The following ADGRB1 variants were observed in gnomAD, a reference collection of about 807,000 sequenced individuals.
The protein encoded by ADGRB1 is brain-specific angiogenesis inhibitor 1.
ADGRB1 carries 36 observed loss-of-function variants against 175.7 expected under a neutral mutation model. That is an observed-to-expected ratio of 0.20 (90% CI 0.16 to 0.27). ADGRB1 has a LOEUF of 0.27. ADGRB1 is among the 10% of genes least tolerant of loss of function. ADGRB1 has a pLI of 1.00. For missense variants in ADGRB1, 1,731 were observed against 2,255.3 expected, an observed-to-expected ratio of 0.77 and a Z score of 4.71; for synonymous variants, 1,054 against 979.4, an observed-to-expected ratio of 1.08 and a Z score of -1.42.
At chr8:142,534,236 G>A (rs1198701312) in intron 25 of ADGRB1, among the ~76,000 whole-genome samples, 5 of 152,188 alleles carry the variant, frequency 3.3e-5, no homozygotes, top group Non-Finnish European at 7.4e-5. Flanking sequence ...AGTGGGGCCC[G>A]CCCCCTCCCC....
chr8:142,522,690 A>G lies in ADGRB1; in HGVS notation c.3225A>G (p.Lys1075=). The G allele has an allele frequency of 2.6e-6, 4 of 1,559,058 alleles. No individual in the cohort carries two copies. The highest frequency in any genetic ancestry group is 3.5e-6 in the Non-Finnish European group (4 of 1,153,952). ...VAISVGFTKA[K]GYSTMNYCWL... is the part of the protein sequence containing the mutation. ...TTTCTGTGGGATTCACCAAGGCCAA[A>G]GGGTACAGCACCATGAACTAGTGAG... The change falls in exon 22 of 31, where the codon AAA becomes AAG. Residue 1075 remains lysine (K), a synonymous_variant. Transcript: ENST00000517894.
At chr8:142,526,955 G>A (rs1844241735) in intron 24 of ADGRB1, among the ~76,000 whole-genome samples, 1 of 152,158 alleles carries the variant, frequency 6.6e-6, no homozygotes, top group African/African-American at 2.4e-5. Context: ...TGGGTGCTGG[G>A]GGTCCCTGGC....
chr8:142,504,782 A>G lies in ADGRB1; in HGVS notation c.2676-6150A>G, dbSNP rs1276870812. The stretch of plus-strand genomic sequence containing the variant: ...TAAGGGGCACTGGGGAGGCCAGCCC[A>G]TTAAGGCTCCTGAGGCCAGGCCTAG... On this transcript the variant is annotated intron_variant, in intron 17 of 30. Coordinates refer to ENST00000517894, the MANE Select transcript of ADGRB1 (RefSeq NM_001702.3). The surrounding 1 kb of genome is among the most constrained non-coding windows in gnomAD (Gnocchi z 5.6). 6.6e-6 allele frequency among the ~76,000 whole-genome samples: 1 copy of G among 152,044 alleles called. No individual in the cohort carries two copies. Among genetic ancestry groups the G allele is most frequent in the Middle Eastern group, 3.4e-3 (1 of 294 alleles).
At chr8:142,469,861 G>C (rs1414520207) in intron 2 of ADGRB1, among the ~76,000 whole-genome samples, 2 of 152,226 alleles carry the variant, frequency 1.3e-5, no homozygotes, top group Non-Finnish European at 2.9e-5. Flanking sequence ...AAGACACACA[G>C]CTGAGCAGAG....
At chr8:142,479,900 C>G in intron 9 of ADGRB1, 106 bp downstream of exon 9, 1 of 1,265,672 alleles carries the variant, frequency 7.9e-7, no homozygotes. Flanking sequence ...GACACGGAGC[C>G]CAGACAGCCT....
Position 142,483,344 on chromosome 8 carries a change from ACTGAGCCCTGACCCTGGTCACACG to A in ADGRB1, c.2131-609_2131-586del, listed in dbSNP as rs1323870443. ...CATGCTGAACCCTGACCCTGGTCAC[ACTGAGCCCTGACCCTGGTCACACG>A]CTGAGCCCTGACCCTGGTCACACCC... On this transcript the variant is annotated intron_variant, in intron 11 of 30. Transcript: ENST00000517894. Among the ~76,000 whole-genome samples the A allele has an allele frequency of 2.7e-4, 23 of 86,110 alleles. No homozygotes were observed. The East Asian group carries it at 6.5e-3, about 24-fold the overall frequency. 56.5% of individuals were successfully genotyped at this position (86,110 alleles called of 152,430 possible). A position where few individuals can be genotyped will look rare whatever the true frequency, so the allele number is the denominator to read the frequency against.
rs189462522 is a variant in ADGRB1, at chr8:142,500,251, C to G, written c.2675+9436C>G. 5.9e-3 allele frequency among the ~76,000 whole-genome samples: 678 copies of G among 114,492 alleles called. 3 individuals carry two copies. Among genetic ancestry groups the G allele is most frequent in the East Asian group, 0.025 (76 of 2,984 alleles). The allele number at this position is 114,492 out of a possible 152,430, so 75.1% of individuals were successfully genotyped here. A position where few individuals can be genotyped will look rare whatever the true frequency, so the allele number is the denominator to read the frequency against. ...CGCTCCTCCACCTCCCCACGCGCCG[C>G]TCCTCCACCTCCCCACGCGCCGCTC... On this transcript the variant is annotated intron_variant, in intron 17 of 30. Coordinates refer to ENST00000517894, the MANE Select transcript of ADGRB1 (RefSeq NM_001702.3).
At chr8:142,497,523 C>T (rs1842280009) in intron 17 of ADGRB1, among the ~76,000 whole-genome samples, 1 of 152,132 alleles carries the variant, frequency 6.6e-6, no homozygotes, top group African/African-American at 2.4e-5. Flanking sequence ...AGGGGACGCA[C>T]CCAACACAGA....
At chr8:142,500,000 G>A (rs1044895006) in intron 17 of ADGRB1, among the ~76,000 whole-genome samples, 1 of 152,044 alleles carries the variant, frequency 6.6e-6, no homozygotes, top group Admixed American at 6.5e-5. Context: ...ATCTCAGCCG[G>A]CCCTAGTCCT....
chr8:142,524,258 G>A lies in ADGRB1; in HGVS notation c.3266G>A (p.Gly1089Glu), dbSNP rs1208955134. ...TMNYCWLSLE[G>E]GLLYAFVGPA... ...CCCAGCTGCTGGCTCTCCCTGGAGG[G>A]GGGACTGCTCTATGCCTTCGTGGGA... Residue 1089 changes from glycine to glutamate, a missense_variant, in exon 23 of 31, where the codon GGG (glycine) becomes GAG (glutamate). By Grantham distance (98) the Gly-to-Glu change is moderately conservative. Coordinates refer to ENST00000517894, the MANE Select transcript of ADGRB1 (RefSeq NM_001702.3). 6.2e-7 allele frequency: 1 copy of A among 1,600,676 alleles called. No homozygotes were observed. The highest frequency in any genetic ancestry group is 2.2e-5 in the East Asian group (1 of 44,816).
At chr8:142,490,365 G>A (rs1841924570) in intron 16 of ADGRB1, among the ~76,000 whole-genome samples, 1 of 152,218 alleles carries the variant, frequency 6.6e-6, no homozygotes, top group Non-Finnish European at 1.5e-5. Flanking sequence ...TCCCAGGAAT[G>A]CTAGCAGGAC....
In ADGRB1 at chr8:142,486,742, G is replaced by C. The variant is rs558510623; in HGVS notation, c.2309-1622G>C. The stretch of plus-strand genomic sequence containing the variant: ...CCTTTTAAATTAAAGACTGAGGTTA[G>C]GCACAGCGGCTCACGCCTGTAATCC... On this transcript the variant is annotated intron_variant, in intron 13 of 30. Transcript: ENST00000517894. 2.0e-5 allele frequency among the ~76,000 whole-genome samples: 3 copies of C among 152,344 alleles called. No individual in the cohort carries two copies. In the East Asian group the frequency reaches 5.8e-4, roughly 29 times the overall value.
At position 142,520,841 on chromosome 8, in the gene ADGRB1, T is replaced by C. The variant is rs1587403151; in HGVS notation, c.2940T>C (p.Arg980=). ...TCCACAGGTACATTCGCTCAGAGCG[T>C]TCTGTCATCCTCATCAACTTCTGCC... ...VSVWRYIRSE[R]SVILINFCLS... The change falls in exon 20 of 31, where the codon CGT becomes CGC. Residue 980 remains arginine, a synonymous_variant. Coordinates refer to ENST00000517894, the MANE Select transcript of ADGRB1 (RefSeq NM_001702.3). 2.5e-6 allele frequency: 4 copies of C among 1,613,576 alleles called. No individual in the cohort carries two copies. Among genetic ancestry groups the C allele is most frequent in the Non-Finnish European group, 3.4e-6 (4 of 1,179,666 alleles).
At chr8:142,520,509 TGTA>T (rs1388870905) in intron 19 of ADGRB1, among the ~76,000 whole-genome samples, 4 of 124,380 alleles carry the variant, frequency 3.2e-5, no homozygotes, top group African/African-American at 6.0e-5. Context: ...ATGATGGTGA[TGTA>T]GTGGTGGTGG....
rs779983116 is a variant in ADGRB1 at position 142,542,158 on chromosome 8, C to G, written c.3924C>G (p.Thr1308=). The change falls in exon 28 of 31, where the codon ACC becomes ACG. Residue 1308 remains threonine (T), a synonymous_variant. Transcript: ENST00000517894. The surrounding 1 kb of genome is among the most constrained non-coding windows in gnomAD (Gnocchi z 6.3). The part of the protein sequence containing the change: ...PLPDFPNHSL[T]LKRDKAPKSS... ...CCGACTTCCCCAACCACTCACTGACCCTCAAGAGGGACAAGGCGCCCAAGT... is the reference window on the plus strand; with the variant it reads ...CCGACTTCCCCAACCACTCACTGACGCTCAAGAGGGACAAGGCGCCCAAGT... 1.2e-6 allele frequency: 2 copies of G among 1,613,624 alleles called. No homozygotes were observed. The highest frequency in any genetic ancestry group is 2.2e-5 in the East Asian group (1 of 44,860).
In ADGRB1 at chr8:142,478,269, C is replaced by G. The variant is rs758601092; in HGVS notation, c.1470C>G (p.Arg490=). ...GCTGCTCCCAGGGCCGACAGCAGCGCACGCGTGAATGCAACGGGCCTTCCT... is the reference window on the plus strand; with the variant it reads ...GCTGCTCCCAGGGCCGACAGCAGCGGACGCGTGAATGCAACGGGCCTTCCT... ...SASCSQGRQQ[R]TRECNGPSYG... The change falls in exon 7 of 31, where the codon CGC becomes CGG. Residue 490 remains arginine, a synonymous_variant. Coordinates refer to ENST00000517894, the MANE Select transcript of ADGRB1 (RefSeq NM_001702.3). 1 of 1,610,222 alleles carries G rather than the reference C, an allele frequency of 6.2e-7. No homozygotes were observed. Among genetic ancestry groups the G allele is most frequent in the Non-Finnish European group, 8.5e-7 (1 of 1,178,868 alleles).
intron 1 of ADGRB1, among the ~76,000 whole-genome samples, chr8:142,457,123 G>A (rs1162661473): frequency 2.0e-5 from 3 of 152,344 alleles, no homozygotes; most frequent in Non-Finnish European, 2.9e-5. Context: ...CGGAACCTGA[G>A]GGCCGTTGGA....
chr8:142,529,674 GTACC>G (rs1352911874), intron 24 of ADGRB1, among the ~76,000 whole-genome samples: 2 of 124,644 alleles, frequency 1.6e-5, no homozygotes, highest in African/African-American at 8.8e-5. Flanking sequence ...GCATCTGTGT[GTACC>G]TGTGAGCGTG....
At position 142,537,684 on chromosome 8, in the gene ADGRB1, C is replaced by A. The variant is rs1490634606; in HGVS notation, c.3666+602C>A. Among the ~76,000 whole-genome samples, 1 of 152,126 alleles carries A rather than the reference C, an allele frequency of 6.6e-6. No individual in the cohort carries two copies. Among genetic ancestry groups the A allele is most frequent in the African/African-American group, 2.4e-5 (1 of 41,418 alleles). On this transcript the variant is annotated intron_variant, in intron 26 of 30. Coordinates refer to ENST00000517894, the MANE Select transcript of ADGRB1 (RefSeq NM_001702.3). This position sits in a 1 kb window ranked among gnomAD's most constrained non-coding sequence, Gnocchi z 4.6. ...CTGGTGTCCTCAGCGGTGTGTTCTGCACCCCCCGCCCCTGCCTGTGCCTGC... is the reference window on the plus strand; with the variant it reads ...CTGGTGTCCTCAGCGGTGTGTTCTGAACCCCCCGCCCCTGCCTGTGCCTGC...
Sources: gnomAD v4.1 joint callset for allele counts (sites outside exome capture counted in the v4.1 genomes callset) on GRCh38, gnomAD v4.1.1 for gene constraint, Gnocchi (gnomAD v3.1) non-coding constraint, MANE v1.5 for transcripts, NCBI Gene and HGNC (gene_info 2026-07-23, HGNC 2026-07-21) for gene names.